The following KCNJ3 variants were observed in gnomAD, a reference collection of about 807,000 sequenced individuals.
The protein encoded by KCNJ3 is potassium inwardly rectifying channel subfamily J member 3.
Under a neutral mutation model 39.2 loss-of-function variants are expected in KCNJ3, and 4 were observed. The ratio of observed to expected loss-of-function variants is 0.10; its 90% CI spans 0.05 to 0.23. The LOEUF is 0.23. Ranked by LOEUF, KCNJ3 falls within the 10% of genes least tolerant of loss-of-function variation. KCNJ3 has a pLI of 1.00. For synonymous variants in KCNJ3, 230 were observed against 237.4 expected, an observed-to-expected ratio of 0.97 and a Z score of 0.29; for missense variants, 276 against 634.9, an observed-to-expected ratio of 0.43 and a Z score of 6.08.
intron 2 of KCNJ3, among the ~76,000 whole-genome samples, chr2:154,781,553 TGAGGA>T (rs1195223475): frequency 2.6e-5 from 4 of 152,214 alleles, no homozygotes; most frequent in African/African-American, 9.6e-5. Context: ...GAATTAGCTG[TGAGGA>T]GTCTGTTTTG....
chr2:154,851,506 T>C (rs942994724), intron 2 of KCNJ3, among the ~76,000 whole-genome samples: 1 of 152,224 alleles, frequency 6.6e-6, no homozygotes, highest in Admixed American at 6.5e-5. Context: ...AGAGAAGATA[T>C]GTTGTTATCT....
intron 2 of KCNJ3, among the ~76,000 whole-genome samples, chr2:154,805,050 C>T (rs1488215391): frequency 2.0e-5 from 3 of 151,856 alleles, no homozygotes; most frequent in Non-Finnish European, 4.4e-5. Flanking sequence ...CAAATGAAAT[C>T]CTGAGAAGAA....
intron 2 of KCNJ3, among the ~76,000 whole-genome samples, chr2:154,778,694 CATT>C (rs1464159606): frequency 6.6e-6 from 1 of 152,066 alleles, no homozygotes; most frequent in African/African-American, 2.4e-5. Context: ...ATTTAATAAT[CATT>C]ATACATATGC....
intron 2 of KCNJ3, among the ~76,000 whole-genome samples, chr2:154,785,666 T>G (rs78056931): frequency 0.018 from 2,774 of 152,258 alleles, 36 homozygotes; most frequent in Middle Eastern, 0.034. Flanking sequence ...CTTCTCCACC[T>G]TCAGAAATTT....
At chr2:154,800,561 C>A (rs974017814) in intron 2 of KCNJ3, among the ~76,000 whole-genome samples, 4 of 152,078 alleles carry the variant, frequency 2.6e-5, no homozygotes, top group African/African-American at 9.7e-5. Flanking sequence ...GTTTTAAATT[C>A]TACTTTTTAT....
chr2:154,854,447 C>T (rs751671785), intron 2 of KCNJ3, among the ~76,000 whole-genome samples: 19 of 152,090 alleles, frequency 1.2e-4, no homozygotes, highest in Non-Finnish European at 2.4e-4. Context: ...TGAGATTATT[C>T]TATGCTACTT....
chr2:154,791,077 G>A (rs536485860), intron 2 of KCNJ3, among the ~76,000 whole-genome samples: 1 of 152,210 alleles, frequency 6.6e-6, no homozygotes, highest in South Asian at 2.1e-4. Flanking sequence ...ACAGGGAAGA[G>A]TACTGGAGAA....
chr2:154,748,345 G>C (rs778892647), intron 2 of KCNJ3, among the ~76,000 whole-genome samples: 1 of 151,804 alleles, frequency 6.6e-6, no homozygotes, highest in Non-Finnish European at 1.5e-5. Context: ...AATAAAACTT[G>C]CAAAAAAATA....
chr2:154,711,062 C>T (rs192983903), intron 2 of KCNJ3, among the ~76,000 whole-genome samples: 3 of 151,894 alleles, frequency 2.0e-5, no homozygotes, highest in Non-Finnish European at 2.9e-5. Flanking sequence ...ATTATTATTA[C>T]GATTTTAAGG....
intron 2 of KCNJ3, among the ~76,000 whole-genome samples, chr2:154,842,203 G>A (rs184930740): frequency 6.6e-6 from 1 of 152,258 alleles, no homozygotes; most frequent in Admixed American, 6.5e-5. Flanking sequence ...TATTTATCCA[G>A]TCGTCATTCA....
intron 2 of KCNJ3, among the ~76,000 whole-genome samples, chr2:154,740,517 A>G (rs1222777289): frequency 6.6e-6 from 1 of 151,908 alleles, no homozygotes; most frequent in East Asian, 1.9e-4. Flanking sequence ...TAGGACTCTG[A>G]TGTCACGCCC....
At position 154,724,943 on chromosome 2, in the gene KCNJ3, G is replaced by C. The variant is rs566246280; in HGVS notation, c.919+15124G>C. Among the ~76,000 whole-genome samples, 493 of 55,750 alleles carry C rather than the reference G, an allele frequency of 8.8e-3. 3 individuals are homozygous for C. The highest frequency in any genetic ancestry group is 0.013 in the Non-Finnish European group (386 of 29,730). The allele number at this position is 55,750 out of a possible 152,430, so 36.6% of individuals were successfully genotyped here. ...TATATATATATATATATATACCTTT[G>C]ATGCAGACCTGAGACATGAAGAAAT... On this transcript the variant is annotated intron_variant, in intron 2 of 2. Coordinates refer to ENST00000295101, the MANE Select transcript of KCNJ3 (RefSeq NM_002239.4).
chr2:154,718,454 A>G (rs1015933372), intron 2 of KCNJ3, among the ~76,000 whole-genome samples: 1 of 152,182 alleles, frequency 6.6e-6, no homozygotes, highest in African/African-American at 2.4e-5. Context: ...TGAGGCTGAA[A>G]GGTTTTCCAG....
intron 2 of KCNJ3, among the ~76,000 whole-genome samples, chr2:154,777,302 G>A (rs1225758199): frequency 6.6e-6 from 1 of 152,082 alleles, no homozygotes; most frequent in African/African-American, 2.4e-5. Flanking sequence ...TGTATGTGGT[G>A]GTTGGTGTGT....
At chr2:154,707,287 T>A (rs1485221739) in intron 1 of KCNJ3, among the ~76,000 whole-genome samples, 1 of 151,942 alleles carries the variant, frequency 6.6e-6, no homozygotes, top group Non-Finnish European at 1.5e-5. Context: ...TAATTTTGAG[T>A]GTATAGAGCA....
chr2:154,765,359 G>T (rs1247991278), intron 2 of KCNJ3, among the ~76,000 whole-genome samples: 2 of 152,082 alleles, frequency 1.3e-5, no homozygotes, highest in Non-Finnish European at 2.9e-5. Flanking sequence ...AGTCTCCTTT[G>T]TGGCACTTAT....
intron 2 of KCNJ3, among the ~76,000 whole-genome samples, chr2:154,719,625 AAC>A (rs1381328689): frequency 6.6e-6 from 1 of 152,126 alleles, no homozygotes; most frequent in African/African-American, 2.4e-5. Context: ...ATGAAACCAG[AAC>A]ACCATGTGCT....
intron 2 of KCNJ3, among the ~76,000 whole-genome samples, chr2:154,739,800 T>C (rs1685617556): frequency 6.6e-6 from 1 of 152,050 alleles, no homozygotes; most frequent in Non-Finnish European, 1.5e-5. Context: ...CTCAGGCTAA[T>C]ACTTCAAGAT....
At chr2:154,739,218 GTCT>G (rs1685600496) in intron 2 of KCNJ3, among the ~76,000 whole-genome samples, 1 of 151,974 alleles carries the variant, frequency 6.6e-6, no homozygotes, top group South Asian at 2.1e-4. Context: ...GCAAAAAGAG[GTCT>G]TAAATTACTA....
Sources: gnomAD v4.1 joint callset for allele counts (sites outside exome capture counted in the v4.1 genomes callset) on GRCh38, gnomAD v4.1.1 for gene constraint, MANE v1.5 for transcripts, NCBI Gene and HGNC (gene_info 2026-07-23, HGNC 2026-07-21) for gene names.